RERE: variants seen among roughly 807,000 people sequenced by gnomAD.
The protein encoded by RERE is arginine-glutamic acid dipeptide repeats.
RERE carries 40 observed loss-of-function variants against 146.1 expected under a neutral mutation model. The observed-to-expected ratio is 0.27, with a 90% confidence interval of 0.21 to 0.36. The LOEUF (loss-of-function observed/expected upper bound fraction) is 0.36. Among genes scored for constraint, RERE ranks in the 10% least tolerant of loss-of-function variants. RERE has a pLI of 1.00. For synonymous variants in RERE, 1,003 were observed against 866.0 expected, an observed-to-expected ratio of 1.16 and a Z score of -2.78; for missense variants, 1,933 against 2,138.7, an observed-to-expected ratio of 0.90 and a Z score of 1.90.
chr1:8,498,730 TATAC>T (rs1278239246), intron 8 of RERE, among the ~76,000 whole-genome samples: 2 of 11,866 alleles, frequency 1.7e-4, no homozygotes, highest in Non-Finnish European at 2.1e-4. Context: ...AAAATAAATA[TATAC>T]ACACACACAC....
At chr1:8,442,460 C>G (rs1441300200) in intron 11 of RERE, among the ~76,000 whole-genome samples, 1 of 151,692 alleles carries the variant, frequency 6.6e-6, no homozygotes, top group Non-Finnish European at 1.5e-5. Context: ...ATGTGATGTG[C>G]CTGCTCCTAC....
rs116863460 is a variant in RERE at position 8,415,796 on chromosome 1, T to C, written c.1284+6931A>G. 9.9e-4 allele frequency among the ~76,000 whole-genome samples: 151 copies of C among 152,354 alleles called. 1 individual carries two copies. In the East Asian group the frequency reaches 0.027, roughly 27 times the overall value. ...TAATAGATTCGAGCCTCGGCTCCAT[T>C]TTAATGGGAACAAACTCTCAGCACA... On this transcript the variant is annotated intron_variant, in intron 12 of 22. Coordinates refer to ENST00000400908, the MANE Select transcript of RERE (RefSeq NM_001042681.2).
intron 12 of RERE, among the ~76,000 whole-genome samples, chr1:8,384,642 C>G (rs1642577797): frequency 6.6e-6 from 1 of 152,210 alleles, no homozygotes; most frequent in Non-Finnish European, 1.5e-5. Context: ...TGATCTGGAT[C>G]AGAAGGCTGT....
At chr1:8,712,109 A>AATATACACTCAAACATT (rs1486347757) in intron 1 of RERE, among the ~76,000 whole-genome samples, 5 of 152,214 alleles carry the variant, frequency 3.3e-5, no homozygotes, top group Non-Finnish European at 7.3e-5. Context: ...TCCAGTTAAA[A>AATATACACTCAAACATT]ATATACACTC....
chr1:8,749,941 C>T (rs1011678844), intron 1 of RERE, among the ~76,000 whole-genome samples: 1 of 152,018 alleles, frequency 6.6e-6, no homozygotes, highest in Non-Finnish European at 1.5e-5. Flanking sequence ...AACTTGAGGC[C>T]AAGAGTTCGA....
chr1:8,373,967 C>T (rs552435227), intron 12 of RERE, among the ~76,000 whole-genome samples: 34 of 152,234 alleles, frequency 2.2e-4, no homozygotes, highest in Non-Finnish European at 4.1e-4. Context: ...CCTCTAATCC[C>T]TAAAGGAGCC....
At chr1:8,420,921 A>G (rs537237557) in intron 12 of RERE, among the ~76,000 whole-genome samples, 1 of 152,206 alleles carries the variant, frequency 6.6e-6, no homozygotes, top group Non-Finnish European at 1.5e-5. Flanking sequence ...CACATCATCA[A>G]TAAGAAGGGA....
intron 6 of RERE, among the ~76,000 whole-genome samples, chr1:8,551,330 T>C (rs1645933456): frequency 6.6e-6 from 1 of 152,156 alleles, no homozygotes; most frequent in South Asian, 2.1e-4. Context: ...TCACTCCAGA[T>C]CCTTGGATCC....
At chr1:8,703,444 G>A (rs1395361238) in intron 1 of RERE, among the ~76,000 whole-genome samples, 1 of 151,802 alleles carries the variant, frequency 6.6e-6, no homozygotes, top group Non-Finnish European at 1.5e-5. Context: ...TCCCCGCGAC[G>A]GCGGCGGCCG....
At chr1:8,558,528 A>C (rs1646033946) in intron 4 of RERE, among the ~76,000 whole-genome samples, 1 of 152,198 alleles carries the variant, frequency 6.6e-6, no homozygotes, top group Non-Finnish European at 1.5e-5. Flanking sequence ...GTAATGAATG[A>C]GAGCTAAAAT....
Position 8,624,359 on chromosome 1 carries a change from C to A in RERE, c.347G>T (p.Arg116Leu). 2.5e-6 allele frequency: 4 copies of A among 1,610,808 alleles called. No homozygotes were observed. The highest frequency in any genetic ancestry group is 3.4e-6 in the Non-Finnish European group (4 of 1,179,022). Reference protein sequence around the residue: ...RPGDCVYIESRRPNTPYFICS... With the variant: ...RPGDCVYIESLRPNTPYFICS... Reference sequence around the variant, plus strand: ...GATGAAATACGGTGTGTTTGGCCTCCGACTCTCGATATACACACAGTCTTT... The same window carrying A: ...GATGAAATACGGTGTGTTTGGCCTCAGACTCTCGATATACACACAGTCTTT... Residue 116 changes from arginine (R) to leucine (L), a missense_variant, in exon 3 of 23, where the codon CGG becomes CTG. Physicochemically the swap from Arg to Leu is moderately radical, Grantham distance 102. Transcript: ENST00000400908.
chr1:8,672,877 C>A lies in RERE; in HGVS notation c.-144-16436G>T, dbSNP rs888530357. On this transcript the variant is annotated intron_variant, in intron 1 of 22. Coordinates refer to ENST00000400908, the MANE Select transcript of RERE (RefSeq NM_001042681.2). ...TTACTACCAAACAAACAAACAAAAT[C>A]TTTAATACTATTTGCTCAGGGTAAA... 3.3e-5 allele frequency among the ~76,000 whole-genome samples: 5 copies of A among 152,206 alleles called. No homozygotes were observed. In the South Asian group the frequency reaches 8.3e-4, roughly 25 times the overall value.
Position 8,362,668 on chromosome 1 carries a change from C to T in RERE, c.1902+15G>A, listed in dbSNP as rs1641632128. On this transcript the variant is annotated intron_variant, in intron 16 of 22. Transcript: ENST00000400908. ...GAGGGACAGAGTAGGCCCTACTATC[C>T]CCCCAGCACCTGACCTTGGCCGACT... 6.2e-7 allele frequency: 1 copy of T among 1,614,184 alleles called. No homozygotes were observed. Among genetic ancestry groups the T allele is most frequent in the South Asian group, 1.1e-5 (1 of 91,078 alleles).
chr1:8,530,440 C>A (rs1645628681), intron 7 of RERE, among the ~76,000 whole-genome samples: 1 of 151,832 alleles, frequency 6.6e-6, no homozygotes, highest in Non-Finnish European at 1.5e-5. Context: ...TCCTACTTCC[C>A]AGAAACAAAA....
chr1:8,666,497 G>A (rs1260836384), intron 1 of RERE, among the ~76,000 whole-genome samples: 7 of 152,314 alleles, frequency 4.6e-5, no homozygotes, highest in Admixed American at 1.3e-4. Context: ...ACAGCTGGGC[G>A]ACTTGCTTCC....
intron 3 of RERE, among the ~76,000 whole-genome samples, chr1:8,616,644 T>G (rs1336913641): frequency 6.6e-6 from 1 of 152,180 alleles, no homozygotes; most frequent in Admixed American, 6.5e-5. Context: ...AGAAATATAT[T>G]TTATGGAAAT....
chr1:8,725,812 A>G (rs1250880452), intron 1 of RERE, among the ~76,000 whole-genome samples: 1 of 152,230 alleles, frequency 6.6e-6, no homozygotes, highest in African/African-American at 2.4e-5. Flanking sequence ...GTTAAAAATT[A>G]GAAGAAAAAG....
intron 11 of RERE, among the ~76,000 whole-genome samples, chr1:8,441,447 T>A (rs573014289): frequency 6.6e-6 from 1 of 152,190 alleles, no homozygotes; most frequent in Non-Finnish European, 1.5e-5. Context: ...CAGGCAGCAC[T>A]GCCCCAGGGG....
chr1:8,372,384 C>T (rs1642071347), intron 12 of RERE, among the ~76,000 whole-genome samples: 1 of 151,814 alleles, frequency 6.6e-6, no homozygotes, highest in African/African-American at 2.4e-5. Flanking sequence ...TCATTATTAC[C>T]ACATCACCCA....
Sources: allele counts gnomAD v4.1 joint callset (sites outside exome capture counted in the v4.1 genomes callset), GRCh38; gene constraint gnomAD v4.1.1; transcripts MANE v1.5; gene names NCBI Gene and HGNC (gene_info 2026-07-23, HGNC 2026-07-21).